Variants in CMPK1 observed in about 807,000 individuals in gnomAD.
CMPK1 encodes cytidine/uridine monophosphate kinase 1.
CMPK1 carries 10 observed loss-of-function variants against 25.7 expected under a neutral mutation model. The ratio of observed to expected loss-of-function variants is 0.39; its 90% CI spans 0.24 to 0.66. The LOEUF (loss-of-function observed/expected upper bound fraction) is 0.66, where lower values mean the gene tolerates loss of function less well. CMPK1 is among the 30% of genes least tolerant of loss of function. The pLI, the probability that CMPK1 is intolerant of heterozygous loss-of-function variation, is 0.48. For missense variants in CMPK1, 199 were observed against 280.5 expected (o/e 0.71, Z 2.08); for synonymous variants, 106 against 101.5 (o/e 1.04, Z -0.27).
intron 1 of CMPK1, among the ~76,000 whole-genome samples, chr1:47,344,329 C>T (rs780931431): frequency 1.3e-5 from 2 of 151,976 alleles, no homozygotes; most frequent in Non-Finnish European, 2.9e-5. Context: ...GATGGAAAAA[C>T]GCTTAGAGCA....
chr1:47,339,867 G>T (rs1009448425), intron 1 of CMPK1, among the ~76,000 whole-genome samples: 5 of 151,402 alleles, frequency 3.3e-5, no homozygotes, highest in Non-Finnish European at 5.9e-5. Context: ...ACCACAACGC[G>T]TGGCTAATTT....
At chr1:47,358,412 C>A in intron 1 of CMPK1, 1 of 1,224,610 alleles carries the variant, frequency 8.2e-7, no homozygotes, top group Non-Finnish European at 1.0e-6. Context: ...AGTGCGTAGT[C>A]CCTGTTTTTA....
At chr1:47,336,084 A>G (rs2149322978) in intron 1 of CMPK1, among the ~76,000 whole-genome samples, 2 of 152,182 alleles carry the variant, frequency 1.3e-5, no homozygotes, top group South Asian at 4.1e-4. Context: ...TTTAAAAAGT[A>G]AAGAGACTGG....
In CMPK1 at chr1:47,350,905, CA is replaced by C. The variant is rs36038736; in HGVS notation, c.171+16802del. 2.3e-3 allele frequency among the ~76,000 whole-genome samples: 295 copies of C among 126,262 alleles called. 1 individual carries two copies. Among genetic ancestry groups the C allele is most frequent in the African/African-American group, 3.5e-3 (118 of 34,138 alleles). 82.8% of individuals were successfully genotyped at this position (126,262 alleles called of 152,430 possible). A position where few individuals can be genotyped will look rare whatever the true frequency, so the allele number is the denominator to read the frequency against. On this transcript the variant is annotated intron_variant, in intron 1 of 5. Transcript: ENST00000371873. ...CCTGGGCGACAAAGTGAGACTGTCTCAAAAAAAAAAAAAGAAAAGAAAAATT... is the reference window on the plus strand; with the variant it reads ...CCTGGGCGACAAAGTGAGACTGTCTCAAAAAAAAAAAAGAAAAGAAAAATT...
chr1:47,341,722 T>G (rs1646442771), intron 1 of CMPK1, among the ~76,000 whole-genome samples: 1 of 151,728 alleles, frequency 6.6e-6, no homozygotes, highest in African/African-American at 2.4e-5. Flanking sequence ...CACTGCAACC[T>G]TTGCCTCCCA....
At chr1:47,350,139 G>A (rs1344111404) in intron 1 of CMPK1, among the ~76,000 whole-genome samples, 2 of 152,012 alleles carry the variant, frequency 1.3e-5, no homozygotes, top group East Asian at 1.9e-4. Flanking sequence ...GGGTCTCACT[G>A]TCTTGCCCGG....
At position 47,358,536 on chromosome 1, in the gene CMPK1, A is replaced by G; in HGVS notation, c.172-9933A>G. The G allele has an allele frequency of 6.9e-6, 7 of 1,010,130 alleles. No individual in the cohort carries two copies. The South Asian group carries it at 2.1e-4, about 31-fold the overall frequency. 62.6% of individuals were successfully genotyped at this position (1,010,130 alleles called of 1,614,324 possible). Reference sequence around the variant, plus strand: ...TGTCATTTTTGGTAGCATACATATTATTTCTGTTTTATAAATAAACAGATC... The same window carrying G: ...TGTCATTTTTGGTAGCATACATATTGTTTCTGTTTTATAAATAAACAGATC... On this transcript the variant is annotated intron_variant, in intron 1 of 5. Coordinates refer to ENST00000371873, the MANE Select transcript of CMPK1 (RefSeq NM_016308.3).
Position 47,376,832 on chromosome 1 carries a change from C to A in CMPK1, c.*87C>A. On this transcript the variant is annotated 3_prime_UTR_variant, in exon 6 of 6. Coordinates refer to ENST00000371873, the MANE Select transcript of CMPK1 (RefSeq NM_016308.3). ...GACCCCTTTTTAAGGCAATTCTAAT[C>A]TTTCATAACTACATCTCAATTAGTG... 1 of 709,156 alleles carries A rather than the reference C, an allele frequency of 1.4e-6. No individual in the cohort carries two copies. Among genetic ancestry groups the A allele is most frequent in the Non-Finnish European group, 2.5e-6 (1 of 407,004 alleles). The allele number at this position is 709,156 out of a possible 1,614,324, so 43.9% of individuals were successfully genotyped here.
At chr1:47,349,830 G>A (rs1270362583) in intron 1 of CMPK1, among the ~76,000 whole-genome samples, 3 of 152,098 alleles carry the variant, frequency 2.0e-5, no homozygotes, top group Non-Finnish European at 4.4e-5. Context: ...TTTTGAGACA[G>A]GGTCTCGCTC....
intron 1 of CMPK1, chr1:47,358,164 T>C (rs957781064): frequency 4.7e-5 from 12 of 257,206 alleles, no homozygotes; most frequent in African/African-American, 7.4e-5. Context: ...TAGGCTAGAG[T>C]GCAGTGGTAC....
chr1:47,340,838 T>C (rs1646436605), intron 1 of CMPK1, among the ~76,000 whole-genome samples: 1 of 152,140 alleles, frequency 6.6e-6, no homozygotes, highest in Admixed American at 6.6e-5. Context: ...GGTTTCTCCA[T>C]GTTGGTCAGG....
At chr1:47,365,402 G>A (rs1646632295) in intron 1 of CMPK1, among the ~76,000 whole-genome samples, 1 of 151,874 alleles carries the variant, frequency 6.6e-6, no homozygotes, top group Non-Finnish European at 1.5e-5. Flanking sequence ...GAGAAGCTGA[G>A]GCAGGTGGAT....
At chr1:47,360,790 A>G (rs1646596215) in intron 1 of CMPK1, among the ~76,000 whole-genome samples, 1 of 152,172 alleles carries the variant, frequency 6.6e-6, no homozygotes, top group South Asian at 2.1e-4. Context: ...GTTTTGTTAC[A>G]TGAATATTGT....
At chr1:47,371,358 A>G (rs1330607536) in intron 2 of CMPK1, among the ~76,000 whole-genome samples, 1 of 152,006 alleles carries the variant, frequency 6.6e-6, no homozygotes, top group Non-Finnish European at 1.5e-5. Context: ...TTACTTTTTC[A>G]CTCTCTACTT....
At chr1:47,341,504 G>A (rs75725833) in intron 1 of CMPK1, among the ~76,000 whole-genome samples, 13,259 of 152,198 alleles carry the variant, frequency 0.087, 961 homozygotes, top group Admixed American at 0.23. Flanking sequence ...AAGTAGCTGA[G>A]ATTACAGGTG....
chr1:47,354,599 C>CTTTTTTTTTTTTTTT, intron 1 of CMPK1, among the ~76,000 whole-genome samples: 1 of 105,470 alleles, frequency 9.5e-6, no homozygotes, highest in Non-Finnish European at 1.9e-5. Flanking sequence ...TTGTGACTTG[C>CTTTTTTTTTTTTTTT]TTTTTTTTTT....
At chr1:47,366,330 A>G (rs1646639722) in intron 1 of CMPK1, among the ~76,000 whole-genome samples, 1 of 152,244 alleles carries the variant, frequency 6.6e-6, no homozygotes, top group Admixed American at 6.5e-5. Flanking sequence ...AGGAAATTTC[A>G]GAGAATGTGA....
intron 1 of CMPK1, among the ~76,000 whole-genome samples, chr1:47,341,790 T>C (rs894897979): frequency 6.7e-6 from 1 of 149,800 alleles, no homozygotes; most frequent in African/African-American, 2.5e-5. Context: ...GCCCAGCTAA[T>C]TTTTTAGTAT....
At chr1:47,351,377 C>G (rs1646521481) in intron 1 of CMPK1, among the ~76,000 whole-genome samples, 1 of 152,170 alleles carries the variant, frequency 6.6e-6, no homozygotes, top group African/African-American at 2.4e-5. Flanking sequence ...CTGCGCCTGG[C>G]CCATAATGTT....
Sources: allele counts gnomAD v4.1 joint callset (sites outside exome capture counted in the v4.1 genomes callset), GRCh38; gene constraint gnomAD v4.1.1; transcripts MANE v1.5; gene names NCBI Gene and HGNC (gene_info 2026-07-23, HGNC 2026-07-21).